Variants in CC2D2A observed in about 807,000 individuals in gnomAD.
The protein encoded by CC2D2A is coiled-coil and C2 domain-containing protein 2A.
Under a neutral mutation model 212.9 loss-of-function variants are expected in CC2D2A, and 155 were observed. The ratio of observed to expected loss-of-function variants is 0.73; its 90% CI spans 0.64 to 0.83. The LOEUF is 0.83. CC2D2A is among the 40% of genes least tolerant of loss of function. The pLI is 0.00. For synonymous variants in CC2D2A, 667 were observed against 686.5 expected (o/e 0.97, Z 0.44); for missense variants, 1,856 against 1,956.2 (o/e 0.95, Z 0.97).
At chr4:15,491,879 A>T (rs1049878521) in intron 4 of CC2D2A, among the ~76,000 whole-genome samples, 7 of 152,192 alleles carry the variant, frequency 4.6e-5, no homozygotes, top group Non-Finnish European at 5.9e-5. Context: ...CAAAAGTTTT[A>T]AATTTTGATA....
intron 1 of CC2D2A, 97 bp from the exon 2 acceptor site, chr4:15,475,818 C>A (rs1373593868): frequency 1.9e-5 from 19 of 987,954 alleles, no homozygotes; most frequent in Non-Finnish European, 2.8e-5. Context: ...TCAAACACTT[C>A]ACTTACCATC....
At position 15,574,074 on chromosome 4, in the gene CC2D2A, G is replaced by T. The variant is rs570602188; in HGVS notation, c.3595-76G>T. 3 of 1,236,128 alleles carry T rather than the reference G, an allele frequency of 2.4e-6. No homozygotes were observed. In the South Asian group the frequency reaches 4.7e-5, roughly 19 times the overall value. The allele number at this position is 1,236,128 out of a possible 1,614,324, so 76.6% of individuals were successfully genotyped here. A position where few individuals can be genotyped will look rare whatever the true frequency, so the allele number is the denominator to read the frequency against. On this transcript the variant is annotated intron_variant, in intron 28 of 36. Coordinates refer to ENST00000424120, the MANE Select transcript of CC2D2A (RefSeq NM_001378615.1). ...ATTTTGGTTCAATTTATTAAACAATGAGGAGTTGACACTTGCCTCTCAACT... is the reference window on the plus strand; with the variant it reads ...ATTTTGGTTCAATTTATTAAACAATTAGGAGTTGACACTTGCCTCTCAACT...
intron 1 of CC2D2A, among the ~76,000 whole-genome samples, chr4:15,473,822 G>C (rs1713995780): frequency 6.6e-6 from 1 of 152,078 alleles, no homozygotes; most frequent in Admixed American, 6.5e-5. Context: ...GGATTCATGT[G>C]AGACTGAGAA....
At chr4:15,476,091 C>A in intron 2 of CC2D2A, 120 bp downstream of exon 2, 2 of 814,040 alleles carry the variant, frequency 2.5e-6, no homozygotes, top group Non-Finnish European at 1.9e-6. Context: ...AAAAGAAAAG[C>A]TTTACATGAA....
chr4:15,582,970 A>G (rs532245918), intron 30 of CC2D2A, among the ~76,000 whole-genome samples: 3 of 152,340 alleles, frequency 2.0e-5, no homozygotes, highest in South Asian at 4.1e-4. Flanking sequence ...ATTCAATAAT[A>G]TATTAAAAAA....
At chr4:15,599,043 T>C (rs556181062) in intron 35 of CC2D2A, among the ~76,000 whole-genome samples, 17 of 152,034 alleles carry the variant, frequency 1.1e-4, no homozygotes, top group South Asian at 6.2e-4. Flanking sequence ...GCACCTGTGG[T>C]CCCAGCTACC....
At chr4:15,553,372 AG>A in intron 19 of CC2D2A, 67 bp downstream of exon 19, 1 of 1,528,460 alleles carries the variant, frequency 6.5e-7, no homozygotes, top group Admixed American at 1.9e-5. Flanking sequence ...CCAAGGGGAA[AG>A]AAAGCTTGCA....
chr4:15,538,603 A>AC (rs1410050465), intron 16 of CC2D2A, among the ~76,000 whole-genome samples: 3 of 151,582 alleles, frequency 2.0e-5, no homozygotes, highest in Non-Finnish European at 4.4e-5. Context: ...CTCCTTGAAG[A>AC]CCCCCCAGAA....
chr4:15,502,361 GTAATTTTCCT>G, intron 4 of CC2D2A, 58 bp from the exon 5 acceptor site: 1 of 1,254,226 alleles, frequency 8.0e-7, no homozygotes. Flanking sequence ...TTGTTTTAAA[GTAATTTTCCT>G]TTTTCTTTTC....
chr4:15,516,826 G>T, intron 11 of CC2D2A, 70 bp downstream of exon 11: 2 of 1,470,480 alleles, frequency 1.4e-6, no homozygotes, highest in Non-Finnish European at 1.8e-6. Context: ...ATAGCTTGGG[G>T]TGCTATATTT....
intron 4 of CC2D2A, among the ~76,000 whole-genome samples, chr4:15,493,856 C>T (rs941120945): frequency 7.9e-5 from 12 of 152,126 alleles, no homozygotes; most frequent in East Asian, 1.9e-4. Flanking sequence ...TCCAGCATTG[C>T]CAAAACTGGA....
intron 31 of CC2D2A, among the ~76,000 whole-genome samples, chr4:15,586,549 A>G (rs559902780): frequency 6.6e-6 from 1 of 152,320 alleles, no homozygotes; most frequent in African/African-American, 2.4e-5. Flanking sequence ...AAATACCAAA[A>G]TTACATTCTA....
At chr4:15,565,523 G>A (rs960488025) in intron 24 of CC2D2A, among the ~76,000 whole-genome samples, 2 of 151,948 alleles carry the variant, frequency 1.3e-5, no homozygotes, top group African/African-American at 4.8e-5. Flanking sequence ...CTAGTCTGCA[G>A]TGAAGTGTTA....
intron 8 of CC2D2A, among the ~76,000 whole-genome samples, chr4:15,512,900 C>T (rs1474434276): frequency 3.3e-5 from 5 of 150,640 alleles, no homozygotes. Context: ...TGCAGTGAGC[C>T]GAGATTGCGC....
At chr4:15,539,927 C>T (rs1367300422) in intron 16 of CC2D2A, among the ~76,000 whole-genome samples, 4 of 152,120 alleles carry the variant, frequency 2.6e-5, no homozygotes, top group East Asian at 1.9e-4. Flanking sequence ...AAAGTTAAAA[C>T]TACCACCCCC....
chr4:15,579,024 C>CA (rs71179639), intron 29 of CC2D2A, among the ~76,000 whole-genome samples: 145,225 of 151,924 alleles, frequency 0.96, 69,719 homozygotes, highest in Non-Finnish European at 1. Flanking sequence ...TATTTTTATA[C>CA]AAAAAAAATT....
At chr4:15,501,914 T>C (rs747186803) in intron 4 of CC2D2A, among the ~76,000 whole-genome samples, 2 of 152,214 alleles carry the variant, frequency 1.3e-5, no homozygotes, top group African/African-American at 2.4e-5. Flanking sequence ...ACAAAATGTA[T>C]ATTGTCTCTA....
chr4:15,546,654 C>G (rs752297401), intron 17 of CC2D2A, among the ~76,000 whole-genome samples: 2 of 152,182 alleles, frequency 1.3e-5, no homozygotes, highest in African/African-American at 2.4e-5. Context: ...TTTATGGACC[C>G]AAGTCCAAAA....
chr4:15,588,955 CG>C, intron 32 of CC2D2A, among the ~76,000 whole-genome samples: 1 of 151,072 alleles, frequency 6.6e-6, no homozygotes, highest in East Asian at 1.9e-4. Flanking sequence ...CCTAACAATA[CG>C]TAAGTATTCT....
Sources: allele counts gnomAD v4.1 joint callset (sites outside exome capture counted in the v4.1 genomes callset), GRCh38; gene constraint gnomAD v4.1.1; transcripts MANE v1.5; gene names NCBI Gene and HGNC (gene_info 2026-07-23, HGNC 2026-07-21).